The following AFG2A variants were observed in gnomAD, a reference collection of about 807,000 sequenced individuals.
AFG2A encodes the protein ATPase family gene 2 protein homolog A.
At chr4:122,985,996 A>G in the AFG2A span, among the ~76,000 whole-genome samples, 13 of 151,762 alleles carry the variant, frequency 8.6e-5, no homozygotes, top group Non-Finnish European at 1.9e-4. Flanking sequence ...CAGTTCGAAG[A>G]ATTTTTTAAT....
At chr4:123,232,789 A>G in the AFG2A span, among the ~76,000 whole-genome samples, 2 of 152,012 alleles carry the variant, frequency 1.3e-5, no homozygotes, top group Non-Finnish European at 2.9e-5. Context: ...ATGAGGTGGG[A>G]TTGGGAGAGA....
the AFG2A span, among the ~76,000 whole-genome samples, chr4:123,093,030 G>A: frequency 6.6e-6 from 1 of 152,034 alleles, no homozygotes; most frequent in Admixed American, 6.5e-5. Flanking sequence ...AAAGCCCTTC[G>A]CAGTAGCACC....
chr4:123,177,134 CT>C, the AFG2A span, among the ~76,000 whole-genome samples: 1 of 150,986 alleles, frequency 6.6e-6, no homozygotes, highest in Non-Finnish European at 1.5e-5. Context: ...AATTTAGTGT[CT>C]GTGTAATCAT....
chr4:123,131,067 T>G, the AFG2A span, among the ~76,000 whole-genome samples: 8 of 149,048 alleles, frequency 5.4e-5, no homozygotes, highest in Non-Finnish European at 1.2e-4. Flanking sequence ...CATTTTGTTT[T>G]GGTGAAATGT....
chr4:123,062,825 C>G, the AFG2A span, among the ~76,000 whole-genome samples: 3 of 152,212 alleles, frequency 2.0e-5, no homozygotes, highest in Admixed American at 6.5e-5. Flanking sequence ...TGGCACATGA[C>G]TGTAGAAATA....
At chr4:122,947,663 G>A in the AFG2A span, among the ~76,000 whole-genome samples, 1 of 151,558 alleles carries the variant, frequency 6.6e-6, no homozygotes, top group Non-Finnish European at 1.5e-5. Flanking sequence ...TGATTCAGAA[G>A]ACTATAAAAA....
At chr4:123,179,017 T>C in the AFG2A span, among the ~76,000 whole-genome samples, 3 of 152,220 alleles carry the variant, frequency 2.0e-5, no homozygotes, top group Non-Finnish European at 4.4e-5. Flanking sequence ...CAATTGTACA[T>C]GCACATGCAG....
chr4:123,301,342 A>C, the AFG2A span, among the ~76,000 whole-genome samples: 1 of 152,200 alleles, frequency 6.6e-6, no homozygotes, highest in African/African-American at 2.4e-5. Flanking sequence ...ATTAAAACAA[A>C]ATAATATAAT....
chr4:123,240,347 G>A, the AFG2A span, among the ~76,000 whole-genome samples: 11 of 152,166 alleles, frequency 7.2e-5, no homozygotes, highest in Non-Finnish European at 1.2e-4. Context: ...GCACCACGTC[G>A]CAATTACTCT....
At chr4:123,063,096 A>G in the AFG2A span, among the ~76,000 whole-genome samples, 2 of 152,260 alleles carry the variant, frequency 1.3e-5, no homozygotes, top group Admixed American at 6.5e-5. Context: ...AGTATTGCCT[A>G]TAAGTGATTG....
At chr4:123,313,899 C>G in the AFG2A span, 1 of 1,587,892 alleles carries the variant, frequency 6.3e-7, no homozygotes, top group Non-Finnish European at 8.5e-7. Flanking sequence ...TTGTAGCTGT[C>G]TGCAGAGAGG....
the AFG2A span, among the ~76,000 whole-genome samples, chr4:122,941,572 T>A: frequency 2.0e-5 from 3 of 152,388 alleles, no homozygotes; most frequent in South Asian, 6.2e-4. Context: ...AATCATGTTG[T>A]CTGCAAACAG....
At chr4:123,012,620 T>G in the AFG2A span, among the ~76,000 whole-genome samples, 2 of 152,138 alleles carry the variant, frequency 1.3e-5, no homozygotes, top group Non-Finnish European at 2.9e-5. Context: ...TCTTCTCAAG[T>G]CTGTGACCGG....
the AFG2A span, among the ~76,000 whole-genome samples, chr4:123,307,296 A>G: frequency 2.0e-5 from 3 of 152,090 alleles, no homozygotes; most frequent in African/African-American, 7.2e-5. Flanking sequence ...CCACACCACT[A>G]CACCCAGCTC....
At chr4:123,220,811 G>A in the AFG2A span, among the ~76,000 whole-genome samples, 1 of 152,192 alleles carries the variant, frequency 6.6e-6, no homozygotes, top group South Asian at 2.1e-4. Flanking sequence ...TACCAATTTT[G>A]TAATTAAACA....
At chr4:122,966,931 A>T in the AFG2A span, among the ~76,000 whole-genome samples, 3 of 152,122 alleles carry the variant, frequency 2.0e-5, no homozygotes, top group African/African-American at 7.2e-5. Flanking sequence ...TGAATAGATG[A>T]GTTAATATTG....
At chr4:123,121,865 A>G in the AFG2A span, among the ~76,000 whole-genome samples, 8,199 of 152,294 alleles carry the variant, frequency 0.054, 706 homozygotes, top group African/African-American at 0.18. Context: ...CTCTTGAAGT[A>G]TAATGAACCT....
the AFG2A span, among the ~76,000 whole-genome samples, chr4:122,926,634 T>A: frequency 6.6e-6 from 1 of 152,232 alleles, no homozygotes; most frequent in African/African-American, 2.4e-5. Context: ...TTACAGAATA[T>A]CTGTTTTCTG....
chr4:122,930,768 T>C, the AFG2A span, among the ~76,000 whole-genome samples: 3 of 152,232 alleles, frequency 2.0e-5, no homozygotes, highest in African/African-American at 7.2e-5. Flanking sequence ...CAGGTAGCAG[T>C]AATTCGTTGA....
Sources: allele counts gnomAD v4.1 joint callset (sites outside exome capture counted in the v4.1 genomes callset), GRCh38; gene constraint gnomAD v4.1.1; transcripts MANE v1.5; gene names NCBI Gene and HGNC (gene_info 2026-07-23, HGNC 2026-07-21).